The following IL1RAPL1 variants were observed in gnomAD, a reference collection of about 807,000 sequenced individuals.
The protein encoded by IL1RAPL1 is interleukin-1 receptor accessory protein-like 1.
IL1RAPL1 carries 3 observed loss-of-function variants against 48.4 expected under a neutral mutation model. The ratio of observed to expected loss-of-function variants is 0.06; its 90% CI spans 0.03 to 0.16. The LOEUF (loss-of-function observed/expected upper bound fraction) is 0.16, where lower values mean the gene tolerates loss of function less well. IL1RAPL1 is among the 10% of genes least tolerant of loss of function. The pLI, the probability that IL1RAPL1 is intolerant of heterozygous loss-of-function variation, is 1.00. For synonymous variants in IL1RAPL1, 185 were observed against 187.7 expected (o/e 0.99, Z 0.12); for missense variants, 349 against 530.6 (o/e 0.66, Z 3.36).
At chrX:29,887,301 A>G (rs1393032855) in intron 6 of IL1RAPL1, among the ~76,000 whole-genome samples, 1 of 112,540 alleles carries the variant, frequency 8.9e-6, no homozygotes, top group African/African-American at 3.2e-5. Context: ...ACTGTTTTGT[A>G]TAGAACATTT....
intron 5 of IL1RAPL1, among the ~76,000 whole-genome samples, chrX:29,441,595 T>G (rs1184869011): frequency 8.9e-6 from 1 of 111,794 alleles, no homozygotes; most frequent in Non-Finnish European, 1.9e-5. Context: ...TTTCCTATAC[T>G]GCACACTTCT....
chrX:28,760,807 G>T (rs1029371509), intron 1 of IL1RAPL1, among the ~76,000 whole-genome samples: 1 of 110,890 alleles, frequency 9.0e-6, no homozygotes, highest in Non-Finnish European at 1.9e-5. Context: ...AAAAAGATTG[G>T]CTGGGCGCGG....
Position 28,768,715 on chromosome X carries a change from C to G in IL1RAPL1, c.-24-20605C>G, listed in dbSNP as rs866330658. 5.5e-3 allele frequency among the ~76,000 whole-genome samples: 352 copies of G among 64,564 alleles called. 5 individuals carry two copies. Among genetic ancestry groups the G allele is most frequent in the Middle Eastern group, 8.9e-3 (1 of 112 alleles). The allele number at this position is 64,564 out of a possible 115,157, so 56.1% of individuals were successfully genotyped here. ...TCTCTCTCTCTGTTTCTCTCTCTCT[C>G]TCTCTCTCTCTCTGTCTCTCTCTCT... is the stretch of plus-strand genomic sequence containing the variant. On this transcript the variant is annotated intron_variant, in intron 1 of 10. Transcript: ENST00000378993.
Position 29,077,731 on chromosome X carries a change from A to G in IL1RAPL1, c.83-205207A>G, listed in dbSNP as rs577147465. Reference sequence around the variant, plus strand: ...AAAGCCAATTTGATGGTTGAAGGAGAAAACATTCAGTATTAGAACAATCAC... The same window carrying G: ...AAAGCCAATTTGATGGTTGAAGGAGGAAACATTCAGTATTAGAACAATCAC... On this transcript the variant is annotated intron_variant, in intron 2 of 10. Transcript: ENST00000378993. 1.6e-4 allele frequency among the ~76,000 whole-genome samples: 18 copies of G among 112,077 alleles called. No individual in the cohort carries two copies. In the South Asian group the frequency reaches 5.2e-3, roughly 32 times the overall value.
At chrX:29,075,538 G>T (rs1927651490) in intron 2 of IL1RAPL1, among the ~76,000 whole-genome samples, 1 of 111,756 alleles carries the variant, frequency 8.9e-6, no homozygotes, top group South Asian at 3.7e-4. Flanking sequence ...TGAAGATTTT[G>T]AAAATGATAG....
At chrX:28,961,573 C>T in intron 2 of IL1RAPL1, among the ~76,000 whole-genome samples, 1 of 111,486 alleles carries the variant, frequency 9.0e-6, no homozygotes, top group South Asian at 3.8e-4. Context: ...CTGTTCAACT[C>T]CCACTTATGA....
At chrX:28,919,477 A>T (rs1923566019) in intron 2 of IL1RAPL1, among the ~76,000 whole-genome samples, 1 of 112,622 alleles carries the variant, frequency 8.9e-6, no homozygotes, top group South Asian at 3.6e-4. Flanking sequence ...AGAAACAAAA[A>T]TAGAATTGAA....
intron 5 of IL1RAPL1, among the ~76,000 whole-genome samples, chrX:29,510,332 A>C (rs1272581934): frequency 1.8e-5 from 2 of 112,261 alleles, no homozygotes; most frequent in Non-Finnish European, 3.8e-5. Flanking sequence ...AGAAAGAAAA[A>C]TAAAGCGGAA....
chrX:28,669,078 A>C (rs1031957206), intron 1 of IL1RAPL1, among the ~76,000 whole-genome samples: 1 of 111,484 alleles, frequency 9.0e-6, no homozygotes, highest in Non-Finnish European at 1.9e-5. Context: ...CCCTCATCTG[A>C]TATGTTGAAC....
At chrX:28,958,229 T>C (rs1206989399) in intron 2 of IL1RAPL1, among the ~76,000 whole-genome samples, 1 of 111,084 alleles carries the variant, frequency 9.0e-6, no homozygotes, top group African/African-American at 3.3e-5. Flanking sequence ...GTTCCTCCTA[T>C]CTATCTGAAA....
chrX:28,642,117 C>G (rs192065131), intron 1 of IL1RAPL1, among the ~76,000 whole-genome samples: 17 of 111,115 alleles, frequency 1.5e-4, no homozygotes, highest in African/African-American at 5.2e-4. Context: ...GCTAATTATC[C>G]TAAATATATA....
intron 2 of IL1RAPL1, among the ~76,000 whole-genome samples, chrX:28,792,847 AT>A: frequency 1.6e-5 from 1 of 63,227 alleles, no homozygotes; most frequent in Admixed American, 1.7e-4. Context: ...ATATATATAT[AT>A]ATAAAAAATA....
In IL1RAPL1 at chrX:29,737,229, A is replaced by T. The variant is rs146647664; in HGVS notation, c.778+68725A>T. On this transcript the variant is annotated intron_variant, in intron 6 of 10. Transcript: ENST00000378993. Reference sequence around the variant, plus strand: ...TGTACTTTATATTCTGAGGGTGTATACACATATTTTGAGGGTAGGTATTCA... The same window carrying T: ...TGTACTTTATATTCTGAGGGTGTATTCACATATTTTGAGGGTAGGTATTCA... 6.9e-3 allele frequency among the ~76,000 whole-genome samples: 776 copies of T among 112,117 alleles called. 10 individuals carry two copies. The highest frequency in any genetic ancestry group is 0.024 in the African/African-American group (744 of 30,833).
intron 5 of IL1RAPL1, among the ~76,000 whole-genome samples, chrX:29,608,853 G>A (rs1435383304): frequency 2.7e-5 from 3 of 111,189 alleles, no homozygotes; most frequent in African/African-American, 9.8e-5. Context: ...TAAAATAAGA[G>A]GAGGAACAAA....
At chrX:29,254,117 G>C (rs1480409881) in intron 2 of IL1RAPL1, among the ~76,000 whole-genome samples, 3 of 110,682 alleles carry the variant, frequency 2.7e-5, no homozygotes, top group African/African-American at 9.8e-5. Flanking sequence ...ATTTATCCAG[G>C]GTTTGTTATG....
chrX:29,077,833 T>C (rs903001590), intron 2 of IL1RAPL1, among the ~76,000 whole-genome samples: 6 of 110,811 alleles, frequency 5.4e-5, no homozygotes, highest in Non-Finnish European at 1.1e-4. Context: ...TTGAGAAACA[T>C]TGGACATTTA....
intron 1 of IL1RAPL1, among the ~76,000 whole-genome samples, chrX:28,677,005 A>G (rs1935005022): frequency 9.0e-6 from 1 of 111,557 alleles, no homozygotes; most frequent in South Asian, 3.7e-4. Context: ...TTTACAAAGG[A>G]AAGTTCTACC....
intron 5 of IL1RAPL1, among the ~76,000 whole-genome samples, chrX:29,483,471 A>G (rs769862723): frequency 9.0e-6 from 1 of 111,237 alleles, no homozygotes; most frequent in South Asian, 3.8e-4. Context: ...CTGCGATGCT[A>G]TTTTCTAGGC....
At chrX:29,752,495 C>CCAAA (rs533554738) in intron 6 of IL1RAPL1, among the ~76,000 whole-genome samples, 4 of 52,757 alleles carry the variant, frequency 7.6e-5, no homozygotes, top group Admixed American at 2.3e-4. Flanking sequence ...GACTTTGTCT[C>CCAAA]AAAAAAAAAA....
Sources: gnomAD v4.1 joint callset for allele counts (sites outside exome capture counted in the v4.1 genomes callset) on GRCh38, gnomAD v4.1.1 for gene constraint, MANE v1.5 for transcripts, NCBI Gene and HGNC (gene_info 2026-07-23, HGNC 2026-07-21) for gene names.